The following CPE variants were observed in gnomAD, a reference collection of about 807,000 sequenced individuals.
The protein encoded by CPE is carboxypeptidase E.
CPE carries 17 observed loss-of-function variants against 53.5 expected under a neutral mutation model. The observed-to-expected ratio is 0.32, with a 90% CI of 0.22 to 0.48. The LOEUF is 0.48. CPE is among the 20% of genes least tolerant of loss of function. The probability of loss-of-function intolerance (pLI) is 0.99; values close to 1 mark genes in which losing one functional copy is unlikely to be tolerated. For missense variants in CPE, 524 were observed against 614.7 expected (o/e 0.85, Z 1.56); for synonymous variants, 226 against 228.8 (o/e 0.99, Z 0.11).
intron 1 of CPE, among the ~76,000 whole-genome samples, chr4:165,410,595 A>G (rs1731026061): frequency 6.6e-6 from 1 of 152,238 alleles, no homozygotes; most frequent in African/African-American, 2.4e-5. Flanking sequence ...CAGCTATTAA[A>G]AAATGGAAAG....
chr4:165,437,027 T>C (rs529577924), intron 1 of CPE, among the ~76,000 whole-genome samples: 2 of 152,312 alleles, frequency 1.3e-5, no homozygotes, highest in Admixed American at 6.5e-5. Flanking sequence ...TCCTTCTTCA[T>C]AGGGAAGTGT....
At chr4:165,478,811 C>A (rs1482255412) in intron 3 of CPE, among the ~76,000 whole-genome samples, 6 of 152,294 alleles carry the variant, frequency 3.9e-5, no homozygotes, top group Admixed American at 3.9e-4. Flanking sequence ...ACCAACCCTC[C>A]CTCTCAGAGA....
At chr4:165,440,929 C>A (rs1731599659) in intron 1 of CPE, among the ~76,000 whole-genome samples, 1 of 152,092 alleles carries the variant, frequency 6.6e-6, no homozygotes, top group Non-Finnish European at 1.5e-5. Flanking sequence ...TCAGCTCTGA[C>A]AATCTAATCT....
chr4:165,394,007 T>C (rs1316223999), intron 1 of CPE, among the ~76,000 whole-genome samples: 2 of 152,148 alleles, frequency 1.3e-5, no homozygotes, highest in African/African-American at 4.8e-5. Flanking sequence ...TCAGGAAGGC[T>C]GAGGACCTAA....
At chr4:165,456,306 C>T (rs946404676) in intron 1 of CPE, among the ~76,000 whole-genome samples, 5 of 152,034 alleles carry the variant, frequency 3.3e-5, no homozygotes, top group African/African-American at 1.2e-4. Flanking sequence ...GCTAGGATAA[C>T]TTATTCAGTC....
At chr4:165,445,144 C>T (rs534601184) in intron 1 of CPE, among the ~76,000 whole-genome samples, 3 of 152,128 alleles carry the variant, frequency 2.0e-5, no homozygotes, top group African/African-American at 4.8e-5. Context: ...TTTATAGACA[C>T]GAGGTTTTGC....
intron 1 of CPE, among the ~76,000 whole-genome samples, chr4:165,458,208 G>A (rs12650156): frequency 0.71 from 108,181 of 152,084 alleles, 38,590 homozygotes; most frequent in East Asian, 0.75. Flanking sequence ...AAATCAGTGC[G>A]GTGATTGTGA....
intron 7 of CPE, 44 bp downstream of exon 7, chr4:165,493,314 G>A (rs1732641667): frequency 7.9e-7 from 1 of 1,273,518 alleles, no homozygotes; most frequent in Non-Finnish European, 1.1e-6. Flanking sequence ...ATGTACAAGA[G>A]CATAATTACT....
intron 1 of CPE, among the ~76,000 whole-genome samples, chr4:165,430,769 C>G (rs1731396760): frequency 6.6e-6 from 1 of 151,922 alleles, no homozygotes; most frequent in Admixed American, 6.6e-5. Context: ...AGCTGTACTT[C>G]AGGAAAAGAA....
intron 1 of CPE, among the ~76,000 whole-genome samples, chr4:165,462,478 T>A (rs1579272932): frequency 7.7e-6 from 1 of 130,282 alleles, no homozygotes; most frequent in Non-Finnish European, 1.8e-5. Context: ...TTAGTGCAAC[T>A]TTTTCAAAAA....
chr4:165,473,160 CA>C (rs1732238353), intron 3 of CPE, among the ~76,000 whole-genome samples: 1 of 152,198 alleles, frequency 6.6e-6, no homozygotes, highest in South Asian at 2.1e-4. Context: ...TTCTCTTTCA[CA>C]GATCTTTTCA....
chr4:165,403,968 C>A, intron 1 of CPE: 1 of 616,622 alleles, frequency 1.6e-6, no homozygotes. Context: ...TGTCTTCCTT[C>A]TCGTTACTCT....
At chr4:165,401,485 ATGTGGCT>A (rs1337519039) in intron 1 of CPE, among the ~76,000 whole-genome samples, 7 of 152,338 alleles carry the variant, frequency 4.6e-5, no homozygotes, top group African/African-American at 1.4e-4. Flanking sequence ...GAAAGTCTTT[ATGTGGCT>A]CAGCTTCCAC....
intron 8 of CPE, among the ~76,000 whole-genome samples, chr4:165,496,645 G>T (rs1732709826): frequency 6.6e-6 from 1 of 152,190 alleles, no homozygotes; most frequent in African/African-American, 2.4e-5. Flanking sequence ...GTTGGGGGCT[G>T]CCTACTTTGA....
At chr4:165,407,346 T>A (rs1730968937) in intron 1 of CPE, among the ~76,000 whole-genome samples, 1 of 152,190 alleles carries the variant, frequency 6.6e-6, no homozygotes, top group African/African-American at 2.4e-5. Context: ...CTAATGACAT[T>A]AAGCATCTTT....
intron 3 of CPE, among the ~76,000 whole-genome samples, chr4:165,473,590 A>C (rs1210417191): frequency 1.3e-5 from 2 of 152,246 alleles, no homozygotes; most frequent in African/African-American, 2.4e-5. Flanking sequence ...TATTAGTTAA[A>C]CATTTAGGTA....
chr4:165,385,421 TA>T (rs67637484), intron 1 of CPE, among the ~76,000 whole-genome samples: 36,949 of 146,820 alleles, frequency 0.25, 5,472 homozygotes, highest in Admixed American at 0.39. Context: ...CTTACTGTTT[TA>T]TTTTTGTTCA....
intron 1 of CPE, among the ~76,000 whole-genome samples, chr4:165,452,100 A>G (rs1285316791): frequency 6.6e-6 from 1 of 152,132 alleles, no homozygotes; most frequent in Non-Finnish European, 1.5e-5. Flanking sequence ...TGCAAGAGCT[A>G]AAGTGGATCT....
At chr4:165,482,618 G>A (rs768133335) in intron 4 of CPE, among the ~76,000 whole-genome samples, 4 of 152,190 alleles carry the variant, frequency 2.6e-5, no homozygotes, top group Non-Finnish European at 5.9e-5. Flanking sequence ...AACAGAAAGG[G>A]AGAAAACACA....
Sources: gnomAD v4.1 joint callset for allele counts (sites outside exome capture counted in the v4.1 genomes callset) on GRCh38, gnomAD v4.1.1 for gene constraint, MANE v1.5 for transcripts, NCBI Gene and HGNC (gene_info 2026-07-23, HGNC 2026-07-21) for gene names.